The following TEX14 variants were observed in gnomAD, a reference collection of about 807,000 sequenced individuals.
TEX14 encodes inactive serine/threonine-protein kinase TEX14.
TEX14 carries 168 observed loss-of-function variants against 178.6 expected under a neutral mutation model. That is an observed-to-expected ratio of 0.94 (90% CI 0.83 to 1.07). The LOEUF is 1.07. Among genes scored for constraint, TEX14 ranks in the 50% least tolerant of loss-of-function variants. TEX14 has a pLI of 0.00. For missense variants in TEX14, 1,730 were observed against 1,753.6 expected (o/e 0.99, Z 0.24); for synonymous variants, 626 against 634.1 (o/e 0.99, Z 0.19).
intron 1 of TEX14, among the ~76,000 whole-genome samples, chr17:58,669,655 A>T (rs1213937392): frequency 6.8e-6 from 1 of 145,988 alleles, no homozygotes; most frequent in African/African-American, 2.5e-5. Context: ...AATCACTTGA[A>T]CCTGGGAGGC....
At position 58,616,320 on chromosome 17, in the gene TEX14, T is replaced by C. The variant is rs775073916; in HGVS notation, c.637-15A>G. The C allele has an allele frequency of 3.1e-6, 5 of 1,607,790 alleles. No homozygotes were observed. The highest frequency in any genetic ancestry group is 2.2e-5 in the South Asian group (2 of 89,862). On this transcript the variant is annotated splice_polypyrimidine_tract_variant and intron_variant, in intron 6 of 31. Coordinates refer to ENST00000349033, the MANE Select transcript of TEX14 (RefSeq NM_031272.5). Reference sequence around the variant, plus strand: ...GTAAGATAAAACTGAAACCAAGGCATAGCCTCAAATTATGGGGAGAAGGGG... The same window carrying C: ...GTAAGATAAAACTGAAACCAAGGCACAGCCTCAAATTATGGGGAGAAGGGG...
At chr17:58,563,072 CAA>C (rs5821239) in intron 28 of TEX14, among the ~76,000 whole-genome samples, 86 of 145,490 alleles carry the variant, frequency 5.9e-4, no homozygotes, top group Non-Finnish European at 4.8e-4. Context: ...GACTCTGTCT[CAA>C]AAAAAAAAAA....
intron 2 of TEX14, chr17:58,648,121 A>AT (rs1555579435): frequency 6.6e-6 from 1 of 152,182 alleles, no homozygotes; most frequent in Non-Finnish European, 1.5e-5. Flanking sequence ...AGCTGAGGCA[A>AT]GGGGGAGAAC....
At chr17:58,603,735 TC>T (rs1164872364) in intron 11 of TEX14, among the ~76,000 whole-genome samples, 1 of 148,852 alleles carries the variant, frequency 6.7e-6, no homozygotes. Context: ...GCGCCTGTAG[TC>T]CCAGTTACTT....
intron 2 of TEX14, among the ~76,000 whole-genome samples, chr17:58,636,285 A>T (rs2046432210): frequency 6.6e-6 from 1 of 152,228 alleles, no homozygotes; most frequent in African/African-American, 2.4e-5. Flanking sequence ...GTCCCACAAG[A>T]AGTGACCAGA....
intron 6 of TEX14, 148 bp from the exon 7 acceptor site, chr17:58,616,453 A>C (rs1368910725): frequency 1.4e-6 from 1 of 697,306 alleles, no homozygotes; most frequent in East Asian, 3.0e-5. Flanking sequence ...TTTTTTTTTG[A>C]GACAGGGTAT....
chr17:58,608,103 C>T (rs538541238), intron 10 of TEX14, among the ~76,000 whole-genome samples: 4 of 152,128 alleles, frequency 2.6e-5, no homozygotes, highest in South Asian at 2.1e-4. Flanking sequence ...GGCAACATGG[C>T]GTGACCTTAT....
intron 2 of TEX14, among the ~76,000 whole-genome samples, chr17:58,643,563 A>G (rs981921038): frequency 3.5e-5 from 3 of 85,630 alleles, no homozygotes; most frequent in African/African-American, 5.2e-5. Flanking sequence ...CCCTGTCTCA[A>G]AAATGAAAAA....
chr17:58,689,314 G>C (rs2047653248), intron 1 of TEX14, among the ~76,000 whole-genome samples: 2 of 152,024 alleles, frequency 1.3e-5, no homozygotes, highest in African/African-American at 4.8e-5. Flanking sequence ...TCTGCCTCCT[G>C]GGTTCAAGCT....
chr17:58,596,528 T>G (rs550527062), intron 14 of TEX14, among the ~76,000 whole-genome samples: 2 of 152,056 alleles, frequency 1.3e-5, no homozygotes, highest in African/African-American at 2.4e-5. Flanking sequence ...GCGATTAACC[T>G]GCCTTGGCCT....
intron 19 of TEX14, chr17:58,581,519 A>G: frequency 1.4e-6 from 2 of 1,427,776 alleles, no homozygotes; most frequent in Non-Finnish European, 1.9e-6. Context: ...TAGACATTAC[A>G]TACTTTGATA....
intron 1 of TEX14, among the ~76,000 whole-genome samples, chr17:58,668,252 T>C (rs1049130181): frequency 6.6e-6 from 1 of 152,222 alleles, no homozygotes; most frequent in Non-Finnish European, 1.5e-5. Context: ...TACTTTGGAC[T>C]TGTGCCCAGT....
At chr17:58,680,453 T>A (rs1315565052) in intron 1 of TEX14, among the ~76,000 whole-genome samples, 1 of 152,146 alleles carries the variant, frequency 6.6e-6, no homozygotes, top group Non-Finnish European at 1.5e-5. Flanking sequence ...TAATTTTGAA[T>A]GAAGCAGGCC....
At chr17:58,596,678 G>C (rs2045290449) in intron 14 of TEX14, among the ~76,000 whole-genome samples, 1 of 150,924 alleles carries the variant, frequency 6.6e-6, no homozygotes. Flanking sequence ...GAGCTCAAGA[G>C]TTTGAGAGCA....
intron 1 of TEX14, 138 bp from the exon 2 acceptor site, chr17:58,652,140 A>G (rs1057494608): frequency 1.6e-6 from 1 of 618,590 alleles, no homozygotes. Context: ...TTGAAACTCT[A>G]TGAGATTAAT....
intron 29 of TEX14, 74 bp from the exon 30 acceptor site, chr17:58,559,636 A>AAAAC (rs1440496400): frequency 2.7e-6 from 2 of 730,596 alleles, no homozygotes; most frequent in East Asian, 5.0e-5. Context: ...CTCAAAACAA[A>AAAAC]AAACAAACAA....
chr17:58,665,685 A>T (rs912774307), intron 1 of TEX14, among the ~76,000 whole-genome samples: 1 of 152,114 alleles, frequency 6.6e-6, no homozygotes, highest in Non-Finnish European at 1.5e-5. Flanking sequence ...GTACAGCTTT[A>T]AACAGTAAGC....
At chr17:58,631,485 C>G (rs1360028093) in intron 2 of TEX14, among the ~76,000 whole-genome samples, 1 of 152,084 alleles carries the variant, frequency 6.6e-6, no homozygotes, top group Non-Finnish European at 1.5e-5. Flanking sequence ...TCTCTCAAAA[C>G]ACACAAAAAG....
chr17:58,587,702 G>T, intron 16 of TEX14, 36 bp from the exon 17 acceptor site: 1 of 1,457,386 alleles, frequency 6.9e-7, no homozygotes, highest in Non-Finnish European at 9.5e-7. Flanking sequence ...TAGGGGGAGC[G>T]GGGTGGACAC....
Sources: allele counts gnomAD v4.1 joint callset (sites outside exome capture counted in the v4.1 genomes callset), GRCh38; gene constraint gnomAD v4.1.1; transcripts MANE v1.5; gene names NCBI Gene and HGNC (gene_info 2026-07-23, HGNC 2026-07-21).